The following TMEM278 variants were observed in gnomAD, a reference collection of about 807,000 sequenced individuals.
TMEM278 encodes transmembrane protein 278, also known as transmembrane protein 88B.
the TMEM278 span, chr1:1,427,678 G>A: frequency 1.5e-6 from 2 of 1,332,048 alleles, no homozygotes; most frequent in East Asian, 3.3e-5. Context: ...GTCCGCGCCC[G>A]CCTAGCCCGG....
the TMEM278 span, among the ~76,000 whole-genome samples, chr1:1,428,935 G>T: frequency 1.3e-5 from 2 of 149,090 alleles, no homozygotes; most frequent in Non-Finnish European, 2.9e-5. Context: ...GGGAGGCAAA[G>T]CTTGCAGTGA....
the TMEM278 span, among the ~76,000 whole-genome samples, chr1:1,427,250 T>A: frequency 1.3e-5 from 1 of 74,516 alleles, no homozygotes; most frequent in South Asian, 5.1e-4. Flanking sequence ...CGCTCCACCC[T>A]GCTCCCGCCC....
the TMEM278 span, among the ~76,000 whole-genome samples, chr1:1,426,960 C>T: frequency 6.6e-5 from 10 of 151,706 alleles, no homozygotes; most frequent in Non-Finnish European, 1.5e-4. Flanking sequence ...TTACCTGCTG[C>T]GTCCCGGATC....
the TMEM278 span, chr1:1,426,274 C>G: frequency 2.7e-6 from 4 of 1,493,222 alleles, no homozygotes; most frequent in Non-Finnish European, 3.6e-6. Context: ...TGCTGCCCGG[C>G]CGGCTGCTGG....
At chr1:1,426,476 T>G in the TMEM278 span, 1 of 1,118,168 alleles carries the variant, frequency 8.9e-7, no homozygotes, top group South Asian at 2.3e-5. Flanking sequence ...CCTTCCAGAA[T>G]TGCCCCTTGT....
the TMEM278 span, chr1:1,426,064 A>C: frequency 3.9e-6 from 5 of 1,287,444 alleles, no homozygotes; most frequent in East Asian, 1.6e-4. Context: ...CTTCCAGGGC[A>C]GCCCTGGAGA....
chr1:1,426,415 A>T, the TMEM278 span: 1 of 1,349,522 alleles, frequency 7.4e-7, no homozygotes, highest in Non-Finnish European at 9.5e-7. Flanking sequence ...GCGGGGGACT[A>T]GCTGGGGTCC....
chr1:1,425,982 A>G, the TMEM278 span: 1 of 1,237,948 alleles, frequency 8.1e-7, no homozygotes, highest in African/African-American at 1.6e-5. Flanking sequence ...TCAGGGCAGG[A>G]CCTCCCTAGC....
At chr1:1,429,492 T>C in the TMEM278 span, among the ~76,000 whole-genome samples, 1 of 152,254 alleles carries the variant, frequency 6.6e-6, no homozygotes, top group African/African-American at 2.4e-5. Flanking sequence ...ATAGTTATTT[T>C]ATATTCTGTA....
the TMEM278 span, chr1:1,427,758 G>T: frequency 1.5e-6 from 2 of 1,320,426 alleles, no homozygotes; most frequent in South Asian, 3.7e-5. Context: ...GCGCCCCGAC[G>T]AGGACGAGCA....
At chr1:1,428,200 AAGGGCAGGGC>A in the TMEM278 span, among the ~76,000 whole-genome samples, 1 of 136,570 alleles carries the variant, frequency 7.3e-6, no homozygotes, top group Admixed American at 7.3e-5. Flanking sequence ...GAGGGGAGGG[AAGGGCAGGGC>A]AGGGCAGAGC....
the TMEM278 span, among the ~76,000 whole-genome samples, chr1:1,429,408 GA>G: frequency 4.0e-5 from 6 of 151,502 alleles, no homozygotes; most frequent in Non-Finnish European, 8.8e-5. Context: ...AGATTTGTCT[GA>G]TTTTTTTTAT....
the TMEM278 span, among the ~76,000 whole-genome samples, chr1:1,426,727 G>A: frequency 1.3e-5 from 2 of 151,946 alleles, no homozygotes; most frequent in African/African-American, 4.8e-5. Context: ...ACAGCCCCCA[G>A]CCCCTCCCCA....
chr1:1,427,686 C>A, the TMEM278 span: 2 of 1,330,294 alleles, frequency 1.5e-6, no homozygotes, highest in Non-Finnish European at 1.9e-6. Flanking sequence ...CCGCCTAGCC[C>A]GGCGCCTCCG....
chr1:1,427,907 C>T, the TMEM278 span: 1 of 1,012,838 alleles, frequency 9.9e-7, no homozygotes, highest in Non-Finnish European at 1.3e-6. Context: ...GCGCGCAGCG[C>T]TCCCGGCTTA....
chr1:1,428,200 A>G, the TMEM278 span, among the ~76,000 whole-genome samples: 6 of 136,570 alleles, frequency 4.4e-5, no homozygotes, highest in African/African-American at 1.4e-4. Context: ...GAGGGGAGGG[A>G]AGGGCAGGGC....
At chr1:1,428,015 G>A in the TMEM278 span, among the ~76,000 whole-genome samples, 1,432 of 31,262 alleles carry the variant, frequency 0.046, 9 homozygotes, top group African/African-American at 0.11. Flanking sequence ...AGGGGAGGGG[G>A]AGAGAGGGGA....
the TMEM278 span, among the ~76,000 whole-genome samples, chr1:1,429,238 C>T: frequency 3.9e-5 from 6 of 151,972 alleles, no homozygotes; most frequent in Non-Finnish European, 7.4e-5. Flanking sequence ...GTCCCAGCTA[C>T]TCAGGAGGCT....
the TMEM278 span, chr1:1,427,773 T>A: frequency 7.4e-7 from 1 of 1,356,220 alleles, no homozygotes; most frequent in Non-Finnish European, 9.5e-7. Context: ...CGAGCAACTC[T>A]GCGCCTGGGT....
Sources: allele counts gnomAD v4.1 joint callset (sites outside exome capture counted in the v4.1 genomes callset), GRCh38; gene constraint gnomAD v4.1.1; transcripts MANE v1.5; gene names NCBI Gene and HGNC (gene_info 2026-07-23, HGNC 2026-07-21).